Variants in NSD2 observed in about 807,000 individuals in gnomAD.
The protein encoded by NSD2 is histone-lysine N-methyltransferase NSD2.
A neutral mutation model predicts 139.0 loss-of-function variants in NSD2; 12 were observed. That is an observed-to-expected ratio of 0.09 (90% CI 0.06 to 0.14). NSD2 has a LOEUF of 0.14. Ranked by LOEUF, NSD2 falls within the 10% of genes least tolerant of loss-of-function variation. The pLI is 1.00. For missense variants in NSD2, 1,155 were observed against 1,745.0 expected, an observed-to-expected ratio of 0.66 and a Z score of 6.02; for synonymous variants, 669 against 648.7, an observed-to-expected ratio of 1.03 and a Z score of -0.48.
At chr4:1,962,742 T>C (rs1725496276) in intron 18 of NSD2, among the ~76,000 whole-genome samples, 1 of 152,168 alleles carries the variant, frequency 6.6e-6, no homozygotes, top group Non-Finnish European at 1.5e-5. Flanking sequence ...ACAGTCATAG[T>C]TCACTGCAGC....
intron 9 of NSD2, chr4:1,945,391 T>G (rs1723518674): frequency 3.7e-5 from 38 of 1,038,394 alleles, no homozygotes; most frequent in Non-Finnish European, 3.4e-5. Context: ...TTGCCCATGG[T>G]GTGTGTGTCC....
rs1725298788 is a variant in NSD2 at position 1,960,901 on chromosome 4, G to A, written c.3256-134G>A. 8.1e-6 allele frequency: 5 copies of A among 620,290 alleles called. No homozygotes were observed. The East Asian group carries it at 1.0e-4, about 13-fold the overall frequency. The allele number at this position is 620,290 out of a possible 1,614,324, so 38.4% of individuals were successfully genotyped here. A position where few individuals can be genotyped will look rare whatever the true frequency, so the allele number is the denominator to read the frequency against. ...TTTGAATTTAATTTATGGAGACTTT[G>A]TACACGCCCTCCACGGAGGTATGCT... On this transcript the variant is annotated intron_variant, in intron 17 of 21. Coordinates refer to ENST00000508803, the MANE Select transcript of NSD2 (RefSeq NM_001042424.3).
chr4:1,930,793 G>A, intron 6 of NSD2, 23 bp downstream of exon 6: 1 of 1,607,048 alleles, frequency 6.2e-7, no homozygotes, highest in Non-Finnish European at 8.5e-7. Flanking sequence ...TTATGCTGAT[G>A]TCCTCTGCTT....
At position 1,948,218 on chromosome 4, in the gene NSD2, C is replaced by T. The variant is rs1253853441; in HGVS notation, c.1882-2854C>T. On this transcript the variant is annotated intron_variant, in intron 9 of 21. Coordinates refer to ENST00000508803, the MANE Select transcript of NSD2 (RefSeq NM_001042424.3). The surrounding 1 kb of genome is among the most constrained non-coding windows in gnomAD (Gnocchi z 4.5). ...AGTGCCGCAGCATGGCTGTGGTGGACGCGGGAAACAACGGGAAAGTTCTTG... is the reference window on the plus strand; with the variant it reads ...AGTGCCGCAGCATGGCTGTGGTGGATGCGGGAAACAACGGGAAAGTTCTTG... 4.0e-5 allele frequency: 43 copies of T among 1,064,072 alleles called. No homozygotes were observed. Among genetic ancestry groups the T allele is most frequent in the Admixed American group, 1.1e-4 (2 of 18,664 alleles). 65.9% of individuals were successfully genotyped at this position (1,064,072 alleles called of 1,614,324 possible). A position where few individuals can be genotyped will look rare whatever the true frequency, so the allele number is the denominator to read the frequency against.
chr4:1,977,206 T>A (rs1191810346), intron 21 of NSD2, among the ~76,000 whole-genome samples: 2 of 152,266 alleles, frequency 1.3e-5, no homozygotes, highest in Non-Finnish European at 2.9e-5. Context: ...GCTGCAGCTC[T>A]GGCTCTGTTT....
intron 18 of NSD2, among the ~76,000 whole-genome samples, chr4:1,962,480 G>A (rs1725467068): frequency 6.6e-6 from 1 of 152,130 alleles, no homozygotes; most frequent in African/African-American, 2.4e-5. Context: ...ATGTGTTTAG[G>A]GTCAGATGTC....
chr4:1,977,449 A>G (rs1727212127), intron 21 of NSD2, among the ~76,000 whole-genome samples: 1 of 152,312 alleles, frequency 6.6e-6, no homozygotes, highest in African/African-American at 2.4e-5. Flanking sequence ...GGAATCACAG[A>G]AGAAAAATTA....
chr4:1,880,755 C>T (rs375105245), intron 1 of NSD2, among the ~76,000 whole-genome samples: 1 of 152,090 alleles, frequency 6.6e-6, no homozygotes, highest in Non-Finnish European at 1.5e-5. Flanking sequence ...ACCAGTAAGC[C>T]ATACTCATCA....
intron 21 of NSD2, 132 bp from the exon 22 acceptor site, chr4:1,978,506 C>T (rs566589431): frequency 6.9e-6 from 9 of 1,310,802 alleles, no homozygotes; most frequent in East Asian, 2.5e-5. Context: ...TTTGTCTGCC[C>T]GTCCTGTTCG....
In NSD2 at chr4:1,918,700, T is replaced by G. The variant is rs536815550; in HGVS notation, c.1410+77T>G. ...TCCCTTCAGTGCAGAATCATCTGTT[T>G]CTCAGCATTATCAGGAGACTCTAAC... is the stretch of plus-strand genomic sequence containing the variant. On this transcript the variant is annotated intron_variant, in intron 5 of 21. Coordinates refer to ENST00000508803, the MANE Select transcript of NSD2 (RefSeq NM_001042424.3). 63 of 1,553,570 alleles carry G rather than the reference T, an allele frequency of 4.1e-5. 2 individuals are homozygous for G. The Admixed American group carries it at 1.1e-3, about 28-fold the overall frequency.
intron 1 of NSD2, among the ~76,000 whole-genome samples, chr4:1,886,212 C>CT (rs1715069543): frequency 1.3e-5 from 2 of 151,168 alleles, no homozygotes; most frequent in Admixed American, 1.3e-4. Flanking sequence ...TCCTTTTTTT[C>CT]TTTTTTCTTT....
At chr4:1,943,857 T>C in intron 9 of NSD2, 1 of 1,063,120 alleles carries the variant, frequency 9.4e-7, no homozygotes. Flanking sequence ...AGGGATTTCA[T>C]TTGAAATTAC....
At chr4:1,878,044 T>A (rs772566981) in intron 1 of NSD2, among the ~76,000 whole-genome samples, 43 of 151,076 alleles carry the variant, frequency 2.8e-4, no homozygotes, top group African/African-American at 8.8e-4. Flanking sequence ...AAATAAAATT[T>A]AAAAAAAGTA....
At chr4:1,891,902 A>T (rs1715599917) in intron 1 of NSD2, among the ~76,000 whole-genome samples, 3 of 151,382 alleles carry the variant, frequency 2.0e-5, no homozygotes, top group Admixed American at 1.3e-4. Flanking sequence ...CGAAAAAACG[A>T]AAAACCTCAC....
intron 5 of NSD2, among the ~76,000 whole-genome samples, chr4:1,921,563 A>G (rs974461541): frequency 2.6e-5 from 4 of 151,600 alleles, no homozygotes; most frequent in Non-Finnish European, 5.9e-5. Context: ...AGGTGGATCA[A>G]TGAAAGCTGG....
At chr4:1,893,605 G>A (rs552769936) in intron 1 of NSD2, 2 of 146,710 alleles carry the variant, frequency 1.4e-5, no homozygotes, top group Non-Finnish European at 3.0e-5. Flanking sequence ...AGGCTGGAGT[G>A]CAGTGGTGCT....
In NSD2 at chr4:1,979,056, C is replaced by G; in HGVS notation, c.*147C>G. On this transcript the variant is annotated 3_prime_UTR_variant, in exon 22 of 22. Transcript: ENST00000508803. ...AGGCCTCCTCGGGAGGGAGCGCCTC[C>G]CCACCACTGAGCCATCCTCAGCAGC... The G allele has an allele frequency of 9.6e-7, 1 of 1,039,968 alleles. No individual in the cohort carries two copies. Among genetic ancestry groups the G allele is most frequent in the Non-Finnish European group, 1.3e-6 (1 of 756,266 alleles). 64.4% of individuals were successfully genotyped at this position (1,039,968 alleles called of 1,614,324 possible). A position where few individuals can be genotyped will look rare whatever the true frequency, so the allele number is the denominator to read the frequency against.
rs567767715 is a variant in NSD2 at position 1,904,133 on chromosome 4, G to A, written c.598-83G>A. The A allele has an allele frequency of 1.3e-5, 19 of 1,476,076 alleles. No individual in the cohort carries two copies. In the East Asian group the frequency reaches 4.2e-4, roughly 32 times the overall value. The allele number at this position is 1,476,076 out of a possible 1,614,324, so 91.4% of individuals were successfully genotyped here. On this transcript the variant is annotated intron_variant, in intron 2 of 21. Transcript: ENST00000508803. ...GGGGGTCTGTGTGTATTTGGACATT[G>A]TAGCCTGGTGAATCCTTGGTCTTCT...
chr4:1,918,402 A>T lies in NSD2; in HGVS notation c.1189A>T (p.Met397Leu). ...GTCTGTGAGAGAAGAGTGCATTCCC[A>T]TGAAGAGAAGGCGGAGGGCCAAACT... ...PKSVREECIP[M>L]KRRRRAKLCS... is the part of the protein sequence containing the mutation. Residue 397 changes from methionine to leucine, a missense_variant, in exon 5 of 22, where the codon ATG becomes TTG. Met to Leu is a conservative substitution (Grantham distance 15). Transcript: ENST00000508803. 1 of 1,614,132 alleles carries T rather than the reference A, an allele frequency of 6.2e-7. No homozygotes were observed. The highest frequency in any genetic ancestry group is 1.1e-5 in the South Asian group (1 of 91,082).
Sources: allele counts gnomAD v4.1 joint callset (sites outside exome capture counted in the v4.1 genomes callset), GRCh38; gene constraint gnomAD v4.1.1; non-coding constraint Gnocchi (gnomAD v3.1); transcripts MANE v1.5; gene names NCBI Gene and HGNC (gene_info 2026-07-23, HGNC 2026-07-21).